Variants in NUP42 observed in about 807,000 individuals in gnomAD.
NUP42 encodes the protein nucleoporin NUP42.
NUP42 carries 47 observed loss-of-function variants against 35.9 expected under a neutral mutation model. The ratio of observed to expected loss-of-function variants is 1.31; its 90% CI spans 1.04 to 1.67. NUP42 has a LOEUF of 1.67. NUP42 is among the 40% of genes most tolerant of loss of function. NUP42 has a pLI of 0.00. For missense variants in NUP42, 514 were observed against 492.2 expected, an observed-to-expected ratio of 1.04 and a Z score of -0.42; for synonymous variants, 173 against 173.3, an observed-to-expected ratio of 1.00 and a Z score of 0.01.
chr7:23,185,020 T>C lies in NUP42; in HGVS notation c.122-50T>C, dbSNP rs553297313. On this transcript the variant is annotated intron_variant, in intron 1 of 6. Coordinates refer to ENST00000258742, the MANE Select transcript of NUP42 (RefSeq NM_007342.3). ...GACCCTATCTCAATTAAAAAGAAAA[T>C]AGAAAGAAAAGTTGCTAGTAAAATT... 271 of 1,468,750 alleles carry C rather than the reference T, an allele frequency of 1.8e-4. 3 individuals carry two copies. The South Asian group carries it at 3.0e-3, about 17-fold the overall frequency. The allele number at this position is 1,468,750 out of a possible 1,614,324, so 91.0% of individuals were successfully genotyped here. A position where few individuals can be genotyped will look rare whatever the true frequency, so the allele number is the denominator to read the frequency against.
At chr7:23,196,361 A>AT in intron 4 of NUP42, 1 of 244,488 alleles carries the variant, frequency 4.1e-6, no homozygotes, top group Admixed American at 5.3e-5. Context: ...TAAATGCTGT[A>AT]TTTTTCTGTT....
chr7:23,199,712 G>C (rs1012447945), intron 6 of NUP42, among the ~76,000 whole-genome samples, 170 bp downstream of exon 6: 1 of 152,226 alleles, frequency 6.6e-6, no homozygotes, highest in Non-Finnish European at 1.5e-5. Flanking sequence ...AGGGAGGCCA[G>C]ATTGGGCATG....
At chr7:23,193,845 G>T (rs941141386) in intron 3 of NUP42, among the ~76,000 whole-genome samples, 1 of 152,232 alleles carries the variant, frequency 6.6e-6, no homozygotes, top group Non-Finnish European at 1.5e-5. Context: ...GGAGGCTCAG[G>T]CATGGCGGGC....
chr7:23,196,296 C>T (rs1298505784), intron 4 of NUP42: 1 of 200,858 alleles, frequency 5.0e-6, no homozygotes, highest in Non-Finnish European at 1.0e-5. Context: ...TATCAAATAT[C>T]AAAAAAAATT....
At chr7:23,184,999 C>G in intron 1 of NUP42, 71 bp from the exon 2 acceptor site, 1 of 1,281,196 alleles carries the variant, frequency 7.8e-7, no homozygotes, top group Non-Finnish European at 1.1e-6. Flanking sequence ...GAGTGAGACC[C>G]TATCTCAATT....
At chr7:23,186,867 A>G (rs1048513152) in intron 2 of NUP42, among the ~76,000 whole-genome samples, 185 bp from the exon 3 acceptor site, 1 of 152,196 alleles carries the variant, frequency 6.6e-6, no homozygotes, top group Non-Finnish European at 1.5e-5. Context: ...TTATAATACT[A>G]TTTGTAACCA....
intron 3 of NUP42, among the ~76,000 whole-genome samples, chr7:23,189,112 C>T (rs1306965097): frequency 1.3e-5 from 2 of 152,156 alleles, no homozygotes; most frequent in Non-Finnish European, 2.9e-5. Flanking sequence ...TCAAGTTGGA[C>T]TGAGCTAGCC....
intron 4 of NUP42, 73 bp downstream of exon 4, chr7:23,195,988 G>T: frequency 1.1e-6 from 1 of 931,338 alleles, no homozygotes; most frequent in Non-Finnish European, 1.6e-6. Flanking sequence ...ATCGTGGCTT[G>T]TGTTTTGGCA....
At chr7:23,185,678 A>G (rs1308720451) in intron 2 of NUP42, among the ~76,000 whole-genome samples, 1 of 152,234 alleles carries the variant, frequency 6.6e-6, no homozygotes, top group Non-Finnish European at 1.5e-5. Flanking sequence ...AGTCCTTTAC[A>G]AAGTATGATG....
intron 2 of NUP42, 46 bp from the exon 3 acceptor site, chr7:23,187,006 C>T (rs375943048): frequency 2.4e-6 from 3 of 1,259,458 alleles, no homozygotes; most frequent in African/African-American, 3.0e-5. Flanking sequence ...TTTTACCAAG[C>T]AGCTAAGAAG....
intron 3 of NUP42, among the ~76,000 whole-genome samples, chr7:23,192,476 G>A (rs1263623165): frequency 2.7e-5 from 4 of 150,456 alleles, no homozygotes; most frequent in African/African-American, 7.4e-5. Context: ...GAACCCAGGA[G>A]GCCGAGGTTG....
chr7:23,188,318 G>A (rs777263263), intron 3 of NUP42: 51 of 1,164,210 alleles, frequency 4.4e-5, no homozygotes, highest in Non-Finnish European at 5.4e-5. Context: ...TGATGAGCAA[G>A]ACAGACAAGA....
intron 3 of NUP42, among the ~76,000 whole-genome samples, chr7:23,189,369 C>T (rs1785711238): frequency 1.3e-5 from 2 of 152,226 alleles, no homozygotes; most frequent in African/African-American, 4.8e-5. Context: ...CATCCCAGTG[C>T]TTTGGGAGGC....
intron 5 of NUP42, chr7:23,198,396 AGACGG>A (rs1786091513): frequency 6.6e-6 from 1 of 151,690 alleles, no homozygotes; most frequent in Admixed American, 6.6e-5. Context: ...TTTTTAGTAG[AGACGG>A]GATTTCACCA....
Position 23,200,619 on chromosome 7 carries a change from A to C in NUP42, c.1146A>C (p.Thr382=). 6.2e-7 allele frequency: 1 copy of C among 1,614,176 alleles called. No homozygotes were observed. The highest frequency in any genetic ancestry group is 1.7e-5 in the Admixed American group (1 of 60,022). ...CAGCCTCAAGCAGCATCATTGCAAC[A>C]GATAATGTGTTATTCACACCCAGAG... The part of the protein sequence containing the change: ...SLSASSSIIA[T]DNVLFTPRDK... The change falls in exon 7 of 7, where the codon ACA becomes ACC. Residue 382 remains threonine, a synonymous_variant. Transcript: ENST00000258742.
chr7:23,182,291 C>T (rs1583752983), intron 1 of NUP42, 85 bp downstream of exon 1: 1 of 1,524,858 alleles, frequency 6.6e-7, no homozygotes, highest in Non-Finnish European at 8.8e-7. Flanking sequence ...TTTCCCGCTG[C>T]TGGTGACCCC....
chr7:23,186,090 T>G (rs1357174057), intron 2 of NUP42, among the ~76,000 whole-genome samples: 1 of 152,260 alleles, frequency 6.6e-6, no homozygotes, highest in African/African-American at 2.4e-5. Context: ...CTATTCAAAC[T>G]GATCTCATTT....
At position 23,182,522 on chromosome 7, in the gene NUP42, A is replaced by T. The variant is rs1344209097; in HGVS notation, c.121+316A>T. 5 of 1,085,792 alleles carry T rather than the reference A, an allele frequency of 4.6e-6. No individual in the cohort carries two copies. The African/African-American group carries it at 6.5e-5, about 14-fold the overall frequency. 67.3% of individuals were successfully genotyped at this position (1,085,792 alleles called of 1,614,324 possible). A position where few individuals can be genotyped will look rare whatever the true frequency, so the allele number is the denominator to read the frequency against. ...CCGGAATTGAATATAATTTTTACTA[A>T]GTTGTTTTTTCGAGGGTGAGGCTAG... On this transcript the variant is annotated intron_variant, in intron 1 of 6. Transcript: ENST00000258742.
intron 1 of NUP42, chr7:23,182,431 G>T (rs999316907): frequency 3.7e-6 from 5 of 1,350,148 alleles, no homozygotes; most frequent in Non-Finnish European, 4.8e-6. Flanking sequence ...GTTTGGGCCT[G>T]GATGCTTGTG....
Sources: allele counts gnomAD v4.1 joint callset (sites outside exome capture counted in the v4.1 genomes callset), GRCh38; gene constraint gnomAD v4.1.1; transcripts MANE v1.5; gene names NCBI Gene and HGNC (gene_info 2026-07-23, HGNC 2026-07-21).